CASZ1: variants seen among roughly 807,000 people sequenced by gnomAD.
CASZ1 encodes zinc finger protein castor homolog 1.
In CASZ1, 28 loss-of-function variants were observed where a neutral mutation model predicts 135.2. That is an observed-to-expected ratio of 0.21 (90% CI 0.15 to 0.28). The LOEUF (loss-of-function observed/expected upper bound fraction) is 0.28, where lower values mean the gene tolerates loss of function less well. Among genes scored for constraint, CASZ1 ranks in the 10% least tolerant of loss-of-function variants. CASZ1 has a pLI of 1.00. For missense variants in CASZ1, 2,161 were observed against 2,453.3 expected, an observed-to-expected ratio of 0.88 and a Z score of 2.52; for synonymous variants, 1,068 against 1,073.4, an observed-to-expected ratio of 0.99 and a Z score of 0.10.
intron 4 of CASZ1, among the ~76,000 whole-genome samples, chr1:10,678,647 A>G (rs1019901105): frequency 1.3e-5 from 2 of 152,022 alleles, no homozygotes; most frequent in African/African-American, 4.8e-5. Context: ...ATTTCTGACC[A>G]TATTTCCTTG....
chr1:10,790,840 GA>G (rs2100633590), intron 1 of CASZ1, among the ~76,000 whole-genome samples: 1 of 152,182 alleles, frequency 6.6e-6, no homozygotes, highest in Admixed American at 6.5e-5. Flanking sequence ...ATGTCTATAA[GA>G]GGGGGCGAGC....
rs1639233451 is a variant in CASZ1 at position 10,709,107 on chromosome 1, G to A, written c.-76-3563C>T. 6.6e-6 allele frequency among the ~76,000 whole-genome samples: 1 copy of A among 152,120 alleles called. No homozygotes were observed. Among genetic ancestry groups the A allele is most frequent in the South Asian group, 2.1e-4 (1 of 4,832 alleles). On this transcript the variant is annotated intron_variant, in intron 2 of 20. Coordinates refer to ENST00000377022, the MANE Select transcript of CASZ1 (RefSeq NM_001079843.3). The surrounding 1 kb of genome is among the most constrained non-coding windows in gnomAD (Gnocchi z 5.1). ...CCTCCATCTGCAGTTCCCTCTTGCT[G>A]GAGCCGCTGCTGGTCCAGGACTTGG... is the stretch of plus-strand genomic sequence containing the variant.
chr1:10,648,571 C>G (rs554457420), intron 15 of CASZ1: 1 of 199,600 alleles, frequency 5.0e-6, no homozygotes, highest in Non-Finnish European at 1.0e-5. Flanking sequence ...CTGTTTTAAA[C>G]GATTTCAAGT....
intron 3 of CASZ1, among the ~76,000 whole-genome samples, chr1:10,703,693 G>A (rs935610262): frequency 2.6e-5 from 4 of 152,070 alleles, no homozygotes; most frequent in African/African-American, 4.8e-5. Context: ...CCCCTAAAGT[G>A]CAGGAGCTAA....
chr1:10,689,449 G>A (rs1386538761), intron 4 of CASZ1, among the ~76,000 whole-genome samples: 2 of 152,244 alleles, frequency 1.3e-5, no homozygotes, highest in Non-Finnish European at 2.9e-5. Flanking sequence ...AAGGCCAGTA[G>A]AGAGGTCTGA....
intron 4 of CASZ1, among the ~76,000 whole-genome samples, chr1:10,686,710 C>T (rs1201391973): frequency 6.6e-6 from 1 of 152,204 alleles, no homozygotes; most frequent in Admixed American, 6.5e-5. Flanking sequence ...ACCGTGGAAA[C>T]GAGGAATAAA....
rs1639023760 is a variant in CASZ1, at chr1:10,700,006, GAAAC to G, written c.-24+5482_-24+5485del. Among the ~76,000 whole-genome samples, 1 of 151,666 alleles carries G rather than the reference GAAAC, an allele frequency of 6.6e-6. No individual in the cohort carries two copies. Among genetic ancestry groups the G allele is most frequent in the Admixed American group, 6.6e-5 (1 of 15,198 alleles). On this transcript the variant is annotated intron_variant, in intron 3 of 20. Coordinates refer to ENST00000377022, the MANE Select transcript of CASZ1 (RefSeq NM_001079843.3). This position sits in a 1 kb window ranked among gnomAD's most constrained non-coding sequence, Gnocchi z 4.2. ...AGAGAGACAGGCAGAGAGAGAGAGA[GAAAC>G]AGAGACAGAGAAAGAGAGAGAGAGA...
intron 2 of CASZ1, among the ~76,000 whole-genome samples, chr1:10,723,697 C>T (rs1639545886): frequency 6.6e-6 from 1 of 152,190 alleles, no homozygotes; most frequent in South Asian, 2.1e-4. Flanking sequence ...CTGGAAGCTG[C>T]CCCCATCTCT....
rs1240237745 is a variant in CASZ1 at position 10,739,207 on chromosome 1, C to T, written c.-77+21494G>A. ...CGGCGGCCAGTCCCCGGGCGTACAGCGTGCGGTGCAACCTGCAGCTGCGGG... is the reference window on the plus strand; with the variant it reads ...CGGCGGCCAGTCCCCGGGCGTACAGTGTGCGGTGCAACCTGCAGCTGCGGG... On this transcript the variant is annotated intron_variant, in intron 2 of 20. Transcript: ENST00000377022. The surrounding 1 kb of genome is among the most constrained non-coding windows in gnomAD (Gnocchi z 4.8). Among the ~76,000 whole-genome samples, 2 of 152,144 alleles carry T rather than the reference C, an allele frequency of 1.3e-5. No individual in the cohort carries two copies. The highest frequency in any genetic ancestry group is 6.5e-5 in the Admixed American group (1 of 15,278).
rs1640507198 is a variant in CASZ1, at chr1:10,767,948, C to A, written c.-233-7091G>T. Reference sequence around the variant, plus strand: ...GGGTCACCCACCATTGCAAGGTCTTCCTGGAGCAGACCCCAGACCTGGGAC... The same window carrying A: ...GGGTCACCCACCATTGCAAGGTCTTACTGGAGCAGACCCCAGACCTGGGAC... On this transcript the variant is annotated intron_variant, in intron 1 of 20. Transcript: ENST00000377022. This position sits in a 1 kb window ranked among gnomAD's most constrained non-coding sequence, Gnocchi z 4.2. 6.6e-6 allele frequency among the ~76,000 whole-genome samples: 1 copy of A among 152,176 alleles called. No homozygotes were observed. Among genetic ancestry groups the A allele is most frequent in the African/African-American group, 2.4e-5 (1 of 41,438 alleles).
At chr1:10,710,765 A>G (rs917334411) in intron 2 of CASZ1, among the ~76,000 whole-genome samples, 1 of 152,254 alleles carries the variant, frequency 6.6e-6, no homozygotes, top group Admixed American at 6.5e-5. Context: ...CCTGCTCCAC[A>G]GCGAGATCAT....
chr1:10,732,418 A>C (rs1201767053), intron 2 of CASZ1, among the ~76,000 whole-genome samples: 1 of 152,050 alleles, frequency 6.6e-6, no homozygotes, highest in Non-Finnish European at 1.5e-5. Context: ...GGTCACTGAG[A>C]CCAACAGGTG....
chr1:10,784,941 G>A (rs577617197), intron 1 of CASZ1, among the ~76,000 whole-genome samples: 1 of 152,294 alleles, frequency 6.6e-6, no homozygotes, highest in African/African-American at 2.4e-5. Flanking sequence ...CCCCACCTCA[G>A]TCAGCAGGCC....
At chr1:10,703,268 G>A (rs1337262961) in intron 3 of CASZ1, among the ~76,000 whole-genome samples, 1 of 152,148 alleles carries the variant, frequency 6.6e-6, no homozygotes, top group African/African-American at 2.4e-5. Context: ...TTGGCCCACA[G>A]CAGTAGAACC....
At chr1:10,668,742 T>C (rs1643314299) in intron 4 of CASZ1, among the ~76,000 whole-genome samples, 1 of 152,218 alleles carries the variant, frequency 6.6e-6, no homozygotes, top group African/African-American at 2.4e-5. Context: ...CTGGGCAAGA[T>C]TTTTCCCTGT....
chr1:10,711,372 T>C lies in CASZ1; in HGVS notation c.-76-5828A>G, dbSNP rs960996685. Among the ~76,000 whole-genome samples the C allele has an allele frequency of 5.3e-5, 8 of 152,144 alleles. No homozygotes were observed. The highest frequency in any genetic ancestry group is 1.7e-4 in the African/African-American group (7 of 41,432). ...ATCCTTGTCCTAGACCTAGAGAACA[T>C]TGGCAAACCAAAGACTCAACCCTCA... On this transcript the variant is annotated intron_variant, in intron 2 of 20. Transcript: ENST00000377022. The surrounding 1 kb of genome is among the most constrained non-coding windows in gnomAD (Gnocchi z 4.4).
chr1:10,648,017 G>A lies in CASZ1; in HGVS notation c.3281C>T (p.Thr1094Met), dbSNP rs373796567. The change falls in exon 16 of 21, where the codon ACG becomes ATG. Residue 1094 changes from threonine to methionine, a missense_variant. Thr to Met is a moderately conservative substitution (Grantham distance 81). Coordinates refer to ENST00000377022, the MANE Select transcript of CASZ1 (RefSeq NM_001079843.3). ...CCCCTCCAGAGAGGACACCGTGGCC[G>A]TGGTGACAGGAGGGACCGGAGGGGA... Reference protein sequence around the residue: ...PSSPPVPPVTTATVSSLEGPA... With the variant: ...PSSPPVPPVTMATVSSLEGPA... The A allele has an allele frequency of 4.6e-5, 73 of 1,600,952 alleles. No individual in the cohort carries two copies. The highest frequency in any genetic ancestry group is 4.4e-5 in the Non-Finnish European group (52 of 1,173,048).
At chr1:10,740,979 A>AAAAAAAG (rs1639909609) in intron 2 of CASZ1, among the ~76,000 whole-genome samples, 4 of 127,472 alleles carry the variant, frequency 3.1e-5, no homozygotes, top group South Asian at 2.6e-4. Flanking sequence ...AAAAAAAAAG[A>AAAAAAAG]AAAAAAAGTC....
Position 10,654,406 on chromosome 1 carries a change from G to C in CASZ1, c.1838+13C>G. On this transcript the variant is annotated intron_variant, in intron 10 of 20. Transcript: ENST00000377022. The stretch of plus-strand genomic sequence containing the variant: ...CTTCTGCCCACGAAGGCCCCCACCA[G>C]GCTCCCGCTTACCTGCAGTGGAAGT... 1 of 1,611,466 alleles carries C rather than the reference G, an allele frequency of 6.2e-7. No homozygotes were observed. Among genetic ancestry groups the C allele is most frequent in the Non-Finnish European group, 8.5e-7 (1 of 1,178,178 alleles).
Sources: gnomAD v4.1 joint callset for allele counts (sites outside exome capture counted in the v4.1 genomes callset) on GRCh38, gnomAD v4.1.1 for gene constraint, Gnocchi (gnomAD v3.1) non-coding constraint, MANE v1.5 for transcripts, NCBI Gene and HGNC (gene_info 2026-07-23, HGNC 2026-07-21) for gene names.